The following ANKS1B variants were observed in gnomAD, a reference collection of about 807,000 sequenced individuals.
The protein encoded by ANKS1B is ankyrin repeat and sterile alpha motif domain-containing protein 1B.
A neutral mutation model predicts 148.3 loss-of-function variants in ANKS1B; 36 were observed. The observed-to-expected ratio is 0.24, with a 90% CI of 0.19 to 0.32. The LOEUF is 0.32. ANKS1B is among the 10% of genes least tolerant of loss of function. The probability of loss-of-function intolerance (pLI) is 1.00; values close to 1 mark genes in which losing one functional copy is unlikely to be tolerated. For synonymous variants in ANKS1B, 542 were observed against 560.8 expected, an observed-to-expected ratio of 0.97 and a Z score of 0.47; for missense variants, 1,157 against 1,542.6, an observed-to-expected ratio of 0.75 and a Z score of 4.19.
chr12:99,112,816 T>C (rs908226750), intron 15 of ANKS1B, among the ~76,000 whole-genome samples: 5 of 152,240 alleles, frequency 3.3e-5, no homozygotes, highest in African/African-American at 1.2e-4. Flanking sequence ...GCTCTTTCCA[T>C]GTCGTCCTGT....
At chr12:99,367,977 C>T (rs1317731524) in intron 12 of ANKS1B, among the ~76,000 whole-genome samples, 1 of 151,962 alleles carries the variant, frequency 6.6e-6, no homozygotes, top group Non-Finnish European at 1.5e-5. Flanking sequence ...AAAGTTAAAT[C>T]CTAAAATTAA....
chr12:99,550,676 C>T (rs1016965698), intron 9 of ANKS1B, among the ~76,000 whole-genome samples: 3 of 151,206 alleles, frequency 2.0e-5, no homozygotes, highest in African/African-American at 7.3e-5. Flanking sequence ...TTATTTTTAA[C>T]AATCACCACA....
chr12:98,791,455 A>T (rs940577788), intron 22 of ANKS1B, among the ~76,000 whole-genome samples: 2 of 152,190 alleles, frequency 1.3e-5, no homozygotes, highest in African/African-American at 4.8e-5. Context: ...CACAACACAC[A>T]TTTATGGGCT....
rs571507087 is a variant in ANKS1B at position 99,512,757 on chromosome 12, T to C, written c.1273-8116A>G. On this transcript the variant is annotated intron_variant, in intron 9 of 26. Coordinates refer to ENST00000683438, the MANE Select transcript of ANKS1B (RefSeq NM_001352186.2). ...TGAGATCATGTCCTTTGCAGGGACA[T>C]GGATGGAGCTGGAAGCCATTTTCCT... Among the ~76,000 whole-genome samples the C allele has an allele frequency of 2.0e-5, 3 of 152,138 alleles. No homozygotes were observed. The East Asian group carries it at 5.8e-4, about 29-fold the overall frequency.
chr12:99,972,884 T>A (rs1176342481), intron 1 of ANKS1B, among the ~76,000 whole-genome samples: 2 of 152,176 alleles, frequency 1.3e-5, no homozygotes, highest in Admixed American at 1.3e-4. Context: ...GACTTTAACT[T>A]GAAACCAATG....
intron 1 of ANKS1B, among the ~76,000 whole-genome samples, chr12:99,935,840 AG>A (rs1458303362): frequency 2.6e-5 from 4 of 152,096 alleles, no homozygotes; most frequent in Non-Finnish European, 5.9e-5. Flanking sequence ...TGTACCCTAT[AG>A]GATGACGTAT....
rs191929108 is a variant in ANKS1B at position 99,438,275 on chromosome 12, T to G, written c.1575+5398A>C. Among the ~76,000 whole-genome samples, 9 of 152,028 alleles carry G rather than the reference T, an allele frequency of 5.9e-5. No homozygotes were observed. The East Asian group carries it at 1.7e-3, about 29-fold the overall frequency. On this transcript the variant is annotated intron_variant, in intron 11 of 26. Transcript: ENST00000683438. ...AATTATATTAGGTACTCCAAAAATATAATTATCCTCCTTTAGTGTAAACAT... is the reference window on the plus strand; with the variant it reads ...AATTATATTAGGTACTCCAAAAATAGAATTATCCTCCTTTAGTGTAAACAT...
At chr12:98,785,666 G>A (rs1170473321) in intron 22 of ANKS1B, among the ~76,000 whole-genome samples, 5 of 151,978 alleles carry the variant, frequency 3.3e-5, no homozygotes, top group Non-Finnish European at 7.4e-5. Context: ...TTTTCTCTTC[G>A]GTGTTATGAT....
In ANKS1B at chr12:99,053,233, T is replaced by C; in HGVS notation, c.2702A>G (p.Tyr901Cys). 1 of 1,611,354 alleles carries C rather than the reference T, an allele frequency of 6.2e-7. No homozygotes were observed. Among genetic ancestry groups the C allele is most frequent in the Non-Finnish European group, 8.5e-7 (1 of 1,178,766 alleles). ...EWLDSIELGD[Y>C]TKAFLINGYT... ...GCCATTAATTAGAAAGGCTTTGGTG[T>C]AGTCGCCCAGTTCAATGGAATCCAG... The change falls in exon 17 of 27, where the codon TAC (tyrosine) becomes TGC (cysteine). Residue 901 changes from tyrosine (Y) to cysteine (C), a missense_variant. Physicochemically the swap from Tyr to Cys is radical, Grantham distance 194. Transcript: ENST00000683438.
At chr12:98,737,855 A>G (rs2097781007) in intron 9 of ANKS1B, among the ~76,000 whole-genome samples, 1 of 152,248 alleles carries the variant, frequency 6.6e-6, no homozygotes, top group Non-Finnish European at 1.5e-5. Context: ...ATGGCCATCT[A>G]TTATTCCACA....
chr12:99,338,941 C>A (rs1449658313), intron 12 of ANKS1B, among the ~76,000 whole-genome samples: 1 of 152,120 alleles, frequency 6.6e-6, no homozygotes, highest in African/African-American at 2.4e-5. Flanking sequence ...CCCATCTCGT[C>A]TCCTAAAGTG....
chr12:99,492,160 C>T (rs1473257273), intron 10 of ANKS1B, among the ~76,000 whole-genome samples: 1 of 151,992 alleles, frequency 6.6e-6, no homozygotes, highest in African/African-American at 2.4e-5. Flanking sequence ...ACTAGTTAAA[C>T]TAATAAAGAA....
chr12:99,232,041 G>T (rs2086951850), intron 14 of ANKS1B, among the ~76,000 whole-genome samples: 1 of 152,068 alleles, frequency 6.6e-6, no homozygotes, highest in South Asian at 2.1e-4. Flanking sequence ...ACTGTGACCT[G>T]CCCCTCAGAT....
At chr12:99,652,501 A>G (rs1406621149) in intron 9 of ANKS1B, among the ~76,000 whole-genome samples, 2 of 152,046 alleles carry the variant, frequency 1.3e-5, no homozygotes, top group Non-Finnish European at 2.9e-5. Context: ...ATAGTGAGAG[A>G]AACATTAGTA....
At chr12:99,766,147 T>A (rs757255949) in intron 8 of ANKS1B, among the ~76,000 whole-genome samples, 2 of 152,234 alleles carry the variant, frequency 1.3e-5, no homozygotes, top group Non-Finnish European at 2.9e-5. Context: ...CACTTTTATA[T>A]GCAGTCTTTG....
At chr12:98,804,767 T>C (rs1360039016) in intron 20 of ANKS1B, among the ~76,000 whole-genome samples, 1 of 152,204 alleles carries the variant, frequency 6.6e-6, no homozygotes, top group Non-Finnish European at 1.5e-5. Flanking sequence ...GCCTCATACA[T>C]AAAATCATTT....
chr12:98,894,537 T>G, intron 17 of ANKS1B: 2 of 979,264 alleles, frequency 2.0e-6, no homozygotes, highest in Non-Finnish European at 2.4e-6. Flanking sequence ...CTCGGCTTCC[T>G]CCGCCTCTGC....
intron 25 of ANKS1B, among the ~76,000 whole-genome samples, chr12:98,753,921 C>T (rs759691832): frequency 1.3e-5 from 2 of 152,138 alleles, no homozygotes; most frequent in African/African-American, 2.4e-5. Flanking sequence ...TGCGATTGTT[C>T]GCATTTGAAG....
chr12:99,462,286 T>G (rs2095991633), intron 10 of ANKS1B, among the ~76,000 whole-genome samples: 1 of 152,210 alleles, frequency 6.6e-6, no homozygotes, highest in Non-Finnish European at 1.5e-5. Flanking sequence ...CCCTTCCAGG[T>G]GCAAGCTGCT....
Sources: gnomAD v4.1 joint callset for allele counts (sites outside exome capture counted in the v4.1 genomes callset) on GRCh38, gnomAD v4.1.1 for gene constraint, MANE v1.5 for transcripts, NCBI Gene and HGNC (gene_info 2026-07-23, HGNC 2026-07-21) for gene names.